The following PHACTR1 variants were observed in gnomAD, a reference collection of about 807,000 sequenced individuals.
PHACTR1 encodes the protein phosphatase and actin regulator 1.
A neutral mutation model predicts 69.2 loss-of-function variants in PHACTR1; 16 were observed. The ratio of observed to expected loss-of-function variants is 0.23; its 90% CI spans 0.16 to 0.35. PHACTR1 has a LOEUF of 0.35. Ranked by LOEUF, PHACTR1 falls within the 10% of genes least tolerant of loss-of-function variation. The probability of loss-of-function intolerance (pLI) is 1.00; values close to 1 mark genes in which losing one functional copy is unlikely to be tolerated. For synonymous variants in PHACTR1, 312 were observed against 284.5 expected, an observed-to-expected ratio of 1.10 and a Z score of -0.97; for missense variants, 510 against 734.7, an observed-to-expected ratio of 0.69 and a Z score of 3.54.
chr6:12,870,978 A>C (rs1019658762), intron 4 of PHACTR1, among the ~76,000 whole-genome samples: 3 of 152,252 alleles, frequency 2.0e-5, no homozygotes, highest in African/African-American at 7.2e-5. Context: ...CTAAGACTCG[A>C]GTAATCATCT....
At chr6:13,108,153 A>G (rs1816470102) in intron 5 of PHACTR1, among the ~76,000 whole-genome samples, 1 of 152,008 alleles carries the variant, frequency 6.6e-6, no homozygotes, top group South Asian at 2.1e-4. Flanking sequence ...TATGTATGCT[A>G]GTGTTGTTTA....
At chr6:13,160,577 G>A (rs1758845652) in intron 6 of PHACTR1, among the ~76,000 whole-genome samples, 1 of 152,216 alleles carries the variant, frequency 6.6e-6, no homozygotes, top group Non-Finnish European at 1.5e-5. Context: ...TTGTGAGTCT[G>A]TTGGCATGCA....
intron 5 of PHACTR1, among the ~76,000 whole-genome samples, chr6:13,085,078 A>G (rs577463055): frequency 2.0e-5 from 3 of 152,246 alleles, no homozygotes; most frequent in Non-Finnish European, 2.9e-5. Context: ...AAAGTATACA[A>G]CAAATTATTA....
intron 10 of PHACTR1, 39 bp downstream of exon 10, chr6:13,230,232 C>T (rs1304713119): frequency 6.3e-7 from 1 of 1,583,394 alleles, no homozygotes; most frequent in Non-Finnish European, 8.6e-7. Flanking sequence ...GGCAGTGGGC[C>T]TTTAGCTCTC....
At chr6:12,885,496 AT>A (rs1032297664) in intron 4 of PHACTR1, among the ~76,000 whole-genome samples, 2 of 152,092 alleles carry the variant, frequency 1.3e-5, no homozygotes, top group Non-Finnish European at 2.9e-5. Flanking sequence ...GGCTTTGGCT[AT>A]TTTTTCCCCC....
At chr6:13,087,646 G>A (rs1812523037) in intron 5 of PHACTR1, among the ~76,000 whole-genome samples, 1 of 148,698 alleles carries the variant, frequency 6.7e-6, no homozygotes, top group Non-Finnish European at 1.5e-5. Context: ...AATAAAAGCA[G>A]GCTTTCTTTT....
At chr6:12,850,457 G>A (rs971157678) in intron 4 of PHACTR1, among the ~76,000 whole-genome samples, 1 of 152,210 alleles carries the variant, frequency 6.6e-6, no homozygotes, top group East Asian at 1.9e-4. Context: ...GGCATTGCCT[G>A]GGGAAGGGAA....
chr6:13,018,142 T>A (rs1161609507), intron 4 of PHACTR1, among the ~76,000 whole-genome samples: 1 of 152,130 alleles, frequency 6.6e-6, no homozygotes, highest in African/African-American at 2.4e-5. Context: ...GACTGTAGAG[T>A]TCATCCATTG....
At chr6:13,151,537 G>T (rs1167589532) in intron 5 of PHACTR1, among the ~76,000 whole-genome samples, 1 of 152,176 alleles carries the variant, frequency 6.6e-6, no homozygotes, top group Admixed American at 6.5e-5. Context: ...AGCGATGTTT[G>T]TATGCCACAA....
At chr6:13,258,067 A>G (rs1167505890) in intron 10 of PHACTR1, among the ~76,000 whole-genome samples, 1 of 152,136 alleles carries the variant, frequency 6.6e-6, no homozygotes, top group Non-Finnish European at 1.5e-5. Flanking sequence ...CAAACAAAAA[A>G]ATACAACAGG....
chr6:12,927,073 A>C (rs1206090851), intron 4 of PHACTR1, among the ~76,000 whole-genome samples: 3 of 152,258 alleles, frequency 2.0e-5, no homozygotes, highest in African/African-American at 7.2e-5. Context: ...CAACTTTGCT[A>C]ATGCTGCTGG....
At chr6:13,164,913 CAG>C (rs1431591417) in intron 6 of PHACTR1, among the ~76,000 whole-genome samples, 3 of 151,524 alleles carry the variant, frequency 2.0e-5, no homozygotes, top group African/African-American at 7.3e-5. Context: ...CCTCATTTAA[CAG>C]AGTGTGTTAG....
intron 4 of PHACTR1, among the ~76,000 whole-genome samples, chr6:12,913,508 G>C (rs1380019671): frequency 6.6e-6 from 1 of 152,160 alleles, no homozygotes; most frequent in African/African-American, 2.4e-5. Flanking sequence ...TCATATAGGG[G>C]CTCCCAGCTG....
intron 7 of PHACTR1, among the ~76,000 whole-genome samples, chr6:13,192,428 A>T (rs1357893967): frequency 1.3e-5 from 2 of 152,186 alleles, no homozygotes; most frequent in African/African-American, 4.8e-5. Context: ...ATCAGCAGGG[A>T]TGTAGGATTC....
At chr6:13,151,581 G>C (rs868489103) in intron 5 of PHACTR1, among the ~76,000 whole-genome samples, 5 of 152,208 alleles carry the variant, frequency 3.3e-5, no homozygotes, top group Admixed American at 1.3e-4. Flanking sequence ...TCAGCTGCAG[G>C]CTGGTTAAAT....
chr6:12,998,007 C>A (rs1249985305), intron 4 of PHACTR1, among the ~76,000 whole-genome samples: 1 of 151,974 alleles, frequency 6.6e-6, no homozygotes, highest in Non-Finnish European at 1.5e-5. Flanking sequence ...CTACAGTTAC[C>A]CTAGTGTGCA....
intron 7 of PHACTR1, among the ~76,000 whole-genome samples, chr6:13,202,943 G>A (rs931252174): frequency 6.6e-6 from 1 of 152,232 alleles, no homozygotes; most frequent in Non-Finnish European, 1.5e-5. Context: ...CAATGAACAG[G>A]ACAAGCCCTC....
At chr6:12,901,735 A>T (rs945061600) in intron 4 of PHACTR1, among the ~76,000 whole-genome samples, 20 of 152,128 alleles carry the variant, frequency 1.3e-4, no homozygotes, top group Non-Finnish European at 2.2e-4. Context: ...ACCTCAGGTG[A>T]TCCACCCGCC....
intron 10 of PHACTR1, among the ~76,000 whole-genome samples, chr6:13,265,396 T>A (rs1776531638): frequency 6.6e-6 from 1 of 152,172 alleles, no homozygotes; most frequent in Non-Finnish European, 1.5e-5. Context: ...AAATGGCAGC[T>A]GGGGTACACC....
Sources: gnomAD v4.1 joint callset for allele counts (sites outside exome capture counted in the v4.1 genomes callset) on GRCh38, gnomAD v4.1.1 for gene constraint, MANE v1.5 for transcripts, NCBI Gene and HGNC (gene_info 2026-07-23, HGNC 2026-07-21) for gene names.